LRRC14B: variants seen among roughly 807,000 people sequenced by gnomAD.
The protein encoded by LRRC14B is leucine rich repeat containing 14B.
A neutral mutation model predicts 16.9 loss-of-function variants in LRRC14B; 23 were observed. That is an observed-to-expected ratio of 1.36 (90% CI 0.98 to 1.92). The LOEUF is 1.92. Ranked by LOEUF, LRRC14B falls within the 30% of genes most tolerant of loss-of-function variation. The probability of loss-of-function intolerance (pLI) is 0.00; values close to 1 mark genes in which losing one functional copy is unlikely to be tolerated. For missense variants in LRRC14B, 766 were observed against 705.7 expected, an observed-to-expected ratio of 1.09 and a Z score of -0.97; for synonymous variants, 358 against 332.5, an observed-to-expected ratio of 1.08 and a Z score of -0.83.
intron 1 of LRRC14B, among the ~76,000 whole-genome samples, chr5:193,387 G>A (rs1202369495): frequency 7.1e-6 from 1 of 141,466 alleles, no homozygotes; most frequent in Non-Finnish European, 1.5e-5. Context: ...CTAGAGGTGG[G>A]TCCTCAGGTG....
chr5:192,298 C>T lies in LRRC14B; in HGVS notation c.760C>T (p.Pro254Ser), dbSNP rs1229350217. ...LTLPTKAFDA[P>S]PTYASTPDGE... ...CCTGCCCACCAAGGCCTTTGATGCA[C>T]CCCCCACCTACGCCTCCACTCCCGA... Residue 254 changes from proline to serine, a missense_variant, in exon 1 of 2, where the codon CCC (proline) becomes TCC (serine). Pro to Ser is a moderately conservative substitution (Grantham distance 74, BLOSUM62 -1). Transcript: ENST00000328278. 4 of 1,599,078 alleles carry T rather than the reference C, an allele frequency of 2.5e-6. No homozygotes were observed. The highest frequency in any genetic ancestry group is 1.1e-5 in the South Asian group (1 of 88,304).
chr5:195,789 T>C lies in LRRC14B; in HGVS notation c.*436T>C. The C allele has an allele frequency of 5.8e-6, 1 of 171,884 alleles. No individual in the cohort carries two copies. The highest frequency in any genetic ancestry group is 1.2e-5 in the Non-Finnish European group (1 of 80,280). The allele number at this position is 171,884 out of a possible 1,614,324, so 10.6% of individuals were successfully genotyped here. A position where few individuals can be genotyped will look rare whatever the true frequency, so the allele number is the denominator to read the frequency against. Reference sequence around the variant, plus strand: ...GGAAGAGAGAACACATCACAGAAACTGCACAAAATAAGCAGCCCATGAAAA... The same window carrying C: ...GGAAGAGAGAACACATCACAGAAACCGCACAAAATAAGCAGCCCATGAAAA... On this transcript the variant is annotated 3_prime_UTR_variant, in exon 2 of 2. Coordinates refer to ENST00000328278, the MANE Select transcript of LRRC14B (RefSeq NM_001080478.3).
In LRRC14B at chr5:192,020, AC is replaced by A. The variant is rs1733809475; in HGVS notation, c.484del (p.Leu162SerfsTer15). 1 of 1,536,572 alleles carries A rather than the reference AC, an allele frequency of 6.5e-7. No individual in the cohort carries two copies. The highest frequency in any genetic ancestry group is 8.7e-7 in the Non-Finnish European group (1 of 1,147,026). ...GGGCGCCCCGTCGAGGTCCTCGCCGACCTCTTCGTCACTGAGGGCAACTTCG... is the reference window on the plus strand; with the variant it reads ...GGGCGCCCCGTCGAGGTCCTCGCCGACTCTTCGTCACTGAGGGCAACTTCG... ...AAGRPVEVLA[D>X]LFVTEGNFEA... On this transcript the variant is annotated frameshift_variant, in exon 1 of 2. Coordinates refer to ENST00000328278, the MANE Select transcript of LRRC14B (RefSeq NM_001080478.3). LOFTEE classifies it high-confidence loss of function.
chr5:195,328 C>G lies in LRRC14B; in HGVS notation c.1520C>G (p.Ser507Cys), dbSNP rs762784839. ...TTCAAAACTGCTCTAGAAAACTTCT[C>G]CAGAGCACTCAAACAAATAGAGTAG... is the stretch of plus-strand genomic sequence containing the variant. ...QAFKTALENF[S>C]RALKQIE Residue 507 changes from serine to cysteine, a missense_variant, in exon 2 of 2, where the codon TCC (serine) becomes TGC (cysteine). Transcript: ENST00000328278. The G allele has an allele frequency of 4.4e-6, 7 of 1,604,350 alleles. No individual in the cohort carries two copies. Among genetic ancestry groups the G allele is most frequent in the Non-Finnish European group, 5.9e-6 (7 of 1,179,738 alleles).
At position 194,867 on chromosome 5, in the gene LRRC14B, G is replaced by T. The variant is rs1560969327; in HGVS notation, c.1059G>T (p.Arg353Ser). ...GCCTGTACCCCTCGACCTTCTTCAG[G>T]CTGCTCAGCCAGGCTTCCCGGACGC... ...LVSLYPSTFF[R>S]LLSQASRTLR... Residue 353 changes from arginine to serine, a missense_variant, in exon 2 of 2, where the codon AGG becomes AGT. By Grantham distance (110) the Arg-to-Ser change is moderately radical. Coordinates refer to ENST00000328278, the MANE Select transcript of LRRC14B (RefSeq NM_001080478.3). 1.3e-6 allele frequency: 2 copies of T among 1,594,244 alleles called. No individual in the cohort carries two copies. The highest frequency in any genetic ancestry group is 4.6e-5 in the East Asian group (2 of 43,640).
chr5:192,615 G>C (rs1579348965), intron 1 of LRRC14B, among the ~76,000 whole-genome samples, 178 bp downstream of exon 1: 1 of 152,192 alleles, frequency 6.6e-6, no homozygotes, highest in East Asian at 1.9e-4. Flanking sequence ...CCGAAAGTCA[G>C]AGCCACCAGG....
chr5:194,606 T>C, intron 1 of LRRC14B, 102 bp from the exon 2 acceptor site: 1 of 1,137,220 alleles, frequency 8.8e-7, no homozygotes, highest in South Asian at 1.6e-5. Context: ...TGACTGTGTG[T>C]TGACCCCATG....
intron 1 of LRRC14B, among the ~76,000 whole-genome samples, chr5:193,042 G>C (rs1733839124): frequency 6.6e-6 from 1 of 152,158 alleles, no homozygotes; most frequent in Non-Finnish European, 1.5e-5. Context: ...GGCCAAGGCA[G>C]CCTCAGGCAG....
rs774942703 is a variant in LRRC14B at position 192,116 on chromosome 5, C to T, written c.578C>T (p.Ala193Val). The change falls in exon 1 of 2, where the codon GCG becomes GTG. Residue 193 changes from alanine (A) to valine (V), a missense_variant. By Grantham distance (64) the Ala-to-Val change is moderately conservative. Coordinates refer to ENST00000328278, the MANE Select transcript of LRRC14B (RefSeq NM_001080478.3). The part of the protein sequence containing the change: ...PLRVHCPSFR[A>V]DSLSPSQLLH... ...CGGGTGCACTGCCCCTCGTTCCGGG[C>T]GGACAGCCTGAGCCCCAGCCAGCTC... 8.9e-6 allele frequency: 14 copies of T among 1,567,182 alleles called. No individual in the cohort carries two copies. Among genetic ancestry groups the T allele is most frequent in the Middle Eastern group, 1.7e-4 (1 of 5,964 alleles).
Position 192,027 on chromosome 5 carries a change from C to T in LRRC14B, c.489C>T (p.Phe163=), listed in dbSNP as rs534002505. The part of the protein sequence containing the change: ...GRPVEVLADL[F]VTEGNFEAVV... ...CCGTCGAGGTCCTCGCCGACCTCTT[C>T]GTCACTGAGGGCAACTTCGAGGCGG... The change falls in exon 1 of 2, where the codon TTC becomes TTT. Residue 163 remains phenylalanine, a synonymous_variant. Transcript: ENST00000328278. 44 of 1,538,462 alleles carry T rather than the reference C, an allele frequency of 2.9e-5. No homozygotes were observed. In the South Asian group the frequency reaches 5.0e-4, roughly 17 times the overall value.
intron 1 of LRRC14B, among the ~76,000 whole-genome samples, chr5:193,240 A>G (rs2126487293): frequency 9.1e-6 from 1 of 109,374 alleles, no homozygotes; most frequent in East Asian, 3.2e-4. Context: ...GGCGGTGGGT[A>G]TTGGGGTCAC....
In LRRC14B at chr5:192,387, G is replaced by T; in HGVS notation, c.849G>T (p.Glu283Asp). The T allele has an allele frequency of 6.3e-7, 1 of 1,576,992 alleles. No homozygotes were observed. Among genetic ancestry groups the T allele is most frequent in the Non-Finnish European group, 8.6e-7 (1 of 1,161,208 alleles). ...TCAGCAAGATGGCGCAGCTCACTGA[G>T]CTCAGTGTGGCCTTCTCCACGCTGA... ...RELSKMAQLT[E>D]LSVAFSTLTG... is the part of the protein sequence containing the mutation. Residue 283 changes from glutamate (E) to aspartate (D), a missense_variant, in exon 1 of 2, where the codon GAG becomes GAT. Transcript: ENST00000328278.
Position 194,765 on chromosome 5 carries a change from G to C in LRRC14B, c.957G>C (p.Thr319=), listed in dbSNP as rs202045051. Residue 319 remains threonine (T), a synonymous_variant, in exon 2 of 2, where the codon ACG becomes ACC. Coordinates refer to ENST00000328278, the MANE Select transcript of LRRC14B (RefSeq NM_001080478.3). ...LDLANCALNH[T]DMAFLADCAH... ...TGGCCAACTGTGCCCTGAACCACAC[G>C]GACATGGCCTTCTTGGCAGACTGTG... 3 of 1,613,410 alleles carry C rather than the reference G, an allele frequency of 1.9e-6. No individual in the cohort carries two copies. Among genetic ancestry groups the C allele is most frequent in the Non-Finnish European group, 1.7e-6 (2 of 1,179,722 alleles).
At position 192,069 on chromosome 5, in the gene LRRC14B, G is replaced by A. The variant is rs1407790894; in HGVS notation, c.531G>A (p.Arg177=). ...TCGAGGCGGTGGTGCAGGCTCTGAGGCCAGCGGGCCCGGCCCCTCTGCGGG... is the reference window on the plus strand; with the variant it reads ...TCGAGGCGGTGGTGCAGGCTCTGAGACCAGCGGGCCCGGCCCCTCTGCGGG... ...GNFEAVVQAL[R]PAGPAPLRVH... is the part of the protein sequence containing the mutation. Residue 177 remains arginine (R), a synonymous_variant, in exon 1 of 2, where the codon AGG becomes AGA. Transcript: ENST00000328278. 3 of 1,546,076 alleles carry A rather than the reference G, an allele frequency of 1.9e-6. No individual in the cohort carries two copies. The highest frequency in any genetic ancestry group is 2.6e-6 in the Non-Finnish European group (3 of 1,150,808).
chr5:192,337 C>T lies in LRRC14B; in HGVS notation c.799C>T (p.Leu267Phe). The change falls in exon 1 of 2, where the codon CTC (leucine) becomes TTC (phenylalanine). Residue 267 changes from leucine to phenylalanine, a missense_variant. Transcript: ENST00000328278. The part of the protein sequence containing the change: ...YASTPDGEDP[L>F]LASIARELSK... ...CTCCACTCCCGACGGCGAGGACCCC[C>T]TCCTCGCCTCCATCGCCCGGGAGCT... 1.9e-6 allele frequency: 3 copies of T among 1,596,592 alleles called. No homozygotes were observed. The highest frequency in any genetic ancestry group is 1.1e-5 in the South Asian group (1 of 87,880).
In LRRC14B at chr5:195,275, T is replaced by C. The variant is rs1189025906; in HGVS notation, c.1467T>C (p.Asn489=). 25 of 1,611,400 alleles carry C rather than the reference T, an allele frequency of 1.6e-5. No individual in the cohort carries two copies. The highest frequency in any genetic ancestry group is 9.3e-5 in the African/African-American group (7 of 74,902). ...ACCCAGACATTCAAGAAACAAGCAA[T>C]GAGCTTGGTGCTTTCTTGCTGCAAG... is the stretch of plus-strand genomic sequence containing the variant. ...SFDPDIQETS[N]ELGAFLLQAF... Residue 489 remains asparagine, a synonymous_variant, in exon 2 of 2, where the codon AAT becomes AAC. Transcript: ENST00000328278.
intron 1 of LRRC14B, 68 bp downstream of exon 1, chr5:192,505 C>G: frequency 7.2e-7 from 1 of 1,393,704 alleles, no homozygotes; most frequent in Non-Finnish European, 9.4e-7. Context: ...CGTCCAGGGG[C>G]CTGCTCATGT....
rs373083660 is a variant in LRRC14B at position 192,354 on chromosome 5, C to G, written c.816C>G (p.Ala272=). Residue 272 remains alanine (A), a synonymous_variant, in exon 1 of 2, where the codon GCC becomes GCG. Coordinates refer to ENST00000328278, the MANE Select transcript of LRRC14B (RefSeq NM_001080478.3). Reference sequence around the variant, plus strand: ...AGGACCCCCTCCTCGCCTCCATCGCCCGGGAGCTCAGCAAGATGGCGCAGC... The same window carrying G: ...AGGACCCCCTCCTCGCCTCCATCGCGCGGGAGCTCAGCAAGATGGCGCAGC... The part of the protein sequence containing the change: ...DGEDPLLASI[A]RELSKMAQLT... The G allele has an allele frequency of 4.4e-6, 7 of 1,592,982 alleles. No individual in the cohort carries two copies. Among genetic ancestry groups the G allele is most frequent in the Non-Finnish European group, 6.0e-6 (7 of 1,170,804 alleles).
At chr5:193,495 C>T (rs1430732553) in intron 1 of LRRC14B, among the ~76,000 whole-genome samples, 2 of 55,106 alleles carry the variant, frequency 3.6e-5, no homozygotes, top group African/African-American at 7.7e-5. Context: ...AAGTGCCTGG[C>T]GGTGGTAGGG....
Sources: allele counts gnomAD v4.1 joint callset (sites outside exome capture counted in the v4.1 genomes callset), GRCh38; gene constraint gnomAD v4.1.1; transcripts MANE v1.5; gene names NCBI Gene and HGNC (gene_info 2026-07-23, HGNC 2026-07-21).